Variants in WDFY4 observed in about 807,000 individuals in gnomAD.
The protein encoded by WDFY4 is WDFY family member 4, also known as WD repeat- and FYVE domain-containing protein 4.
Under a neutral mutation model 351.9 loss-of-function variants are expected in WDFY4, and 169 were observed. The observed-to-expected ratio is 0.48, with a 90% confidence interval of 0.42 to 0.55. The LOEUF (loss-of-function observed/expected upper bound fraction) is 0.55, where lower values mean the gene tolerates loss of function less well. WDFY4 is among the 20% of genes least tolerant of loss of function. The pLI, the probability that WDFY4 is intolerant of heterozygous loss-of-function variation, is 0.00. For synonymous variants in WDFY4, 1,622 were observed against 1,574.6 expected, an observed-to-expected ratio of 1.03 and a Z score of -0.71; for missense variants, 3,803 against 3,935.6, an observed-to-expected ratio of 0.97 and a Z score of 0.90.
intron 32 of WDFY4, among the ~76,000 whole-genome samples, chr10:48,817,752 G>C (rs566899080): frequency 6.6e-6 from 1 of 152,236 alleles, no homozygotes; most frequent in East Asian, 1.9e-4. Context: ...TGCACCACAT[G>C]GGGGAGGGCA....
Position 48,874,809 on chromosome 10 carries a change from A to G in WDFY4, c.6949-280A>G, listed in dbSNP as rs2069931098. Among the ~76,000 whole-genome samples the G allele has an allele frequency of 1.3e-5, 2 of 152,158 alleles. 1 individual carries two copies. Among genetic ancestry groups the G allele is most frequent in the South Asian group, 4.1e-4 (2 of 4,822 alleles). On this transcript the variant is annotated intron_variant, in intron 41 of 61. Transcript: ENST00000325239. The stretch of plus-strand genomic sequence containing the variant: ...GGTGTCCTACACAGAGACATTGAGG[A>G]TGCTATCTAATCCCATCTGGGCCTC...
intron 1 of WDFY4, among the ~76,000 whole-genome samples, chr10:48,690,501 T>G (rs1341295015): frequency 1.3e-5 from 2 of 152,110 alleles, no homozygotes; most frequent in East Asian, 3.8e-4. Context: ...GTGAGCAAGA[T>G]GAAGAGGAGC....
At chr10:48,685,714 G>T (rs771660008) in intron 1 of WDFY4, among the ~76,000 whole-genome samples, 9 of 138,936 alleles carry the variant, frequency 6.5e-5, no homozygotes, top group Non-Finnish European at 1.5e-4. Flanking sequence ...TCTAAAGTGT[G>T]GGGGGGCTGG....
chr10:48,848,958 G>A (rs1455211614), intron 39 of WDFY4, among the ~76,000 whole-genome samples: 5 of 152,258 alleles, frequency 3.3e-5, no homozygotes, highest in Admixed American at 1.3e-4. Flanking sequence ...TTACCATTGC[G>A]TCCAGTGAGA....
At chr10:48,830,927 C>G in intron 38 of WDFY4, 42 bp downstream of exon 38, 1 of 1,528,836 alleles carries the variant, frequency 6.5e-7, no homozygotes, top group Non-Finnish European at 8.8e-7. Flanking sequence ...ACTCCTGGGT[C>G]TCACAGAGCC....
chr10:48,797,440 T>C (rs2066913270), intron 24 of WDFY4, among the ~76,000 whole-genome samples: 2 of 152,366 alleles, frequency 1.3e-5, no homozygotes, highest in South Asian at 4.1e-4. Flanking sequence ...GAAACTCTCC[T>C]ATTACCAAGA....
chr10:48,793,166 G>A (rs1021788355), intron 23 of WDFY4, among the ~76,000 whole-genome samples: 12 of 152,218 alleles, frequency 7.9e-5, no homozygotes, highest in African/African-American at 2.9e-4. Flanking sequence ...CTAGGCACTA[G>A]GGATGTGAGG....
At chr10:48,855,061 A>C (rs1396109772) in intron 39 of WDFY4, among the ~76,000 whole-genome samples, 1 of 152,226 alleles carries the variant, frequency 6.6e-6, no homozygotes, top group African/African-American at 2.4e-5. Flanking sequence ...AAACAAAAAA[A>C]ATGAAAGAAA....
At chr10:48,981,698 A>G (rs1330286438) in intron 61 of WDFY4, among the ~76,000 whole-genome samples, 1 of 152,216 alleles carries the variant, frequency 6.6e-6, no homozygotes, top group African/African-American at 2.4e-5. Flanking sequence ...TAACTCACAC[A>G]TGCCCTTGCT....
chr10:48,741,930 T>C (rs2064864173), intron 11 of WDFY4, among the ~76,000 whole-genome samples: 1 of 152,252 alleles, frequency 6.6e-6, no homozygotes, highest in African/African-American at 2.4e-5. Context: ...GCAATTTATC[T>C]GATCAATAAA....
chr10:48,820,831 G>A lies in WDFY4; in HGVS notation c.5710-231G>A, dbSNP rs551985630. Among the ~76,000 whole-genome samples the A allele has an allele frequency of 7.9e-5, 12 of 152,278 alleles. No individual in the cohort carries two copies. The East Asian group carries it at 1.2e-3, about 15-fold the overall frequency. On this transcript the variant is annotated intron_variant, in intron 33 of 61. Coordinates refer to ENST00000325239, the MANE Select transcript of WDFY4 (RefSeq NM_001394531.1). Reference sequence around the variant, plus strand: ...CACCTGTGGCACCTGACAGGTGGCCGTGGGCTGTGGGCTCCCCTGACTTGC... The same window carrying A: ...CACCTGTGGCACCTGACAGGTGGCCATGGGCTGTGGGCTCCCCTGACTTGC...
chr10:48,975,404 G>T (rs1392346511), intron 58 of WDFY4, among the ~76,000 whole-genome samples: 2 of 152,176 alleles, frequency 1.3e-5, no homozygotes, highest in Non-Finnish European at 2.9e-5. Flanking sequence ...CTTCATGGCA[G>T]TGCAAGCTTC....
At chr10:48,851,218 G>C (rs986517142) in intron 39 of WDFY4, among the ~76,000 whole-genome samples, 1 of 152,132 alleles carries the variant, frequency 6.6e-6, no homozygotes, top group Non-Finnish European at 1.5e-5. Context: ...GGATGCCGAG[G>C]TGCTGCAAGA....
In WDFY4 at chr10:48,941,720, G is replaced by A. The variant is rs563987880; in HGVS notation, c.7587-86G>A. On this transcript the variant is annotated intron_variant, in intron 47 of 61. Coordinates refer to ENST00000325239, the MANE Select transcript of WDFY4 (RefSeq NM_001394531.1). The stretch of plus-strand genomic sequence containing the variant: ...CAGCTTTCCTGAACACCCTGGTCCC[G>A]TGAAGCCCAGGCAAGCCCCACCTCT... 3.7e-5 allele frequency: 52 copies of A among 1,412,560 alleles called. No individual in the cohort carries two copies. In the Middle Eastern group the frequency reaches 7.0e-4, roughly 19 times the overall value. 87.5% of individuals were successfully genotyped at this position (1,412,560 alleles called of 1,614,324 possible).
chr10:48,923,572 C>T (rs1372626204), intron 47 of WDFY4, among the ~76,000 whole-genome samples: 7 of 147,888 alleles, frequency 4.7e-5, no homozygotes, highest in African/African-American at 1.7e-4. Flanking sequence ...TGGGCCTAAA[C>T]AATCAGTAAA....
chr10:48,722,144 C>T (rs2064110726), intron 4 of WDFY4, among the ~76,000 whole-genome samples: 1 of 152,208 alleles, frequency 6.6e-6, no homozygotes, highest in African/African-American at 2.4e-5. Context: ...GTGATAGGAG[C>T]ACATCACGCA....
chr10:48,702,779 T>G (rs747507843), intron 1 of WDFY4, among the ~76,000 whole-genome samples: 7 of 147,846 alleles, frequency 4.7e-5, no homozygotes, highest in African/African-American at 7.3e-5. Flanking sequence ...CCTGGGGGTA[T>G]GTTTAACTTT....
At chr10:48,743,674 C>T in intron 12 of WDFY4, 126 bp downstream of exon 12, 2 of 1,094,254 alleles carry the variant, frequency 1.8e-6, no homozygotes, top group Non-Finnish European at 1.3e-6. Context: ...GTCATGTGAC[C>T]TCAACTTCCT....
At chr10:48,791,271 A>C (rs2066670273) in intron 23 of WDFY4, among the ~76,000 whole-genome samples, 1 of 152,142 alleles carries the variant, frequency 6.6e-6, no homozygotes, top group Non-Finnish European at 1.5e-5. Flanking sequence ...TATCTCTTCT[A>C]ATTTGCTATT....
Sources: gnomAD v4.1 joint callset for allele counts (sites outside exome capture counted in the v4.1 genomes callset) on GRCh38, gnomAD v4.1.1 for gene constraint, MANE v1.5 for transcripts, NCBI Gene and HGNC (gene_info 2026-07-23, HGNC 2026-07-21) for gene names.